The following PCYT1B variants were observed in gnomAD, a reference collection of about 807,000 sequenced individuals.
PCYT1B encodes choline-phosphate cytidylyltransferase B.
A neutral mutation model predicts 26.4 loss-of-function variants in PCYT1B; 10 were observed. The ratio of observed to expected loss-of-function variants is 0.38; its 90% CI spans 0.23 to 0.64. The LOEUF (loss-of-function observed/expected upper bound fraction) is 0.64, where lower values mean the gene tolerates loss of function less well. Ranked by LOEUF, PCYT1B falls within the 30% of genes least tolerant of loss-of-function variation. PCYT1B has a pLI of 0.56. For missense variants in PCYT1B, 161 were observed against 292.7 expected (o/e 0.55, Z 3.28); for synonymous variants, 131 against 108.4 (o/e 1.21, Z -1.29).
intron 5 of PCYT1B, among the ~76,000 whole-genome samples, chrX:24,585,371 G>A (rs764856317): frequency 8.9e-6 from 1 of 112,085 alleles, no homozygotes; most frequent in East Asian, 2.8e-4. Flanking sequence ...GGTTTCCCTT[G>A]CCCTCTAGTA....
At chrX:24,654,299 G>C (rs1426856320) in intron 1 of PCYT1B, among the ~76,000 whole-genome samples, 2 of 102,198 alleles carry the variant, frequency 2.0e-5, no homozygotes, top group African/African-American at 7.1e-5. Context: ...GAGATACGGG[G>C]GGTTTCACCA....
chrX:24,566,499 G>T lies in PCYT1B; in HGVS notation c.898-3994C>A, dbSNP rs184886515. ...ACAGATGGGAGTGATAACCCGAAAT[G>T]CTAACAGAGAGACTGCTCTGGATGA... On this transcript the variant is annotated intron_variant, in intron 7 of 7. Transcript: ENST00000379144. 2.2e-4 allele frequency among the ~76,000 whole-genome samples: 25 copies of T among 111,947 alleles called. No homozygotes were observed. The East Asian group carries it at 5.0e-3, about 22-fold the overall frequency.
chrX:24,636,361 C>A (rs1214595731), intron 1 of PCYT1B, among the ~76,000 whole-genome samples: 1 of 112,173 alleles, frequency 8.9e-6, no homozygotes, highest in African/African-American at 3.2e-5. Flanking sequence ...GCCTCTAATC[C>A]CAGCACTTTG....
At chrX:24,595,295 G>A (rs1480997544) in intron 3 of PCYT1B, among the ~76,000 whole-genome samples, 1 of 109,128 alleles carries the variant, frequency 9.2e-6, no homozygotes, top group Non-Finnish European at 1.9e-5. Context: ...CCAAATTGCA[G>A]GGAAAGGGCC....
At chrX:24,631,948 T>C (rs1173757433) in intron 1 of PCYT1B, among the ~76,000 whole-genome samples, 1 of 108,187 alleles carries the variant, frequency 9.2e-6, no homozygotes, top group Non-Finnish European at 1.9e-5. Flanking sequence ...AAAAAAATTG[T>C]CCCAGTGTTA....
At chrX:24,591,947 C>G (rs1250690393) in intron 3 of PCYT1B, among the ~76,000 whole-genome samples, 1 of 110,713 alleles carries the variant, frequency 9.0e-6, no homozygotes, top group Non-Finnish European at 1.9e-5. Context: ...TTGAAATATA[C>G]AATATTGTTA....
At chrX:24,600,127 G>A (rs747119273) in intron 3 of PCYT1B, among the ~76,000 whole-genome samples, 1 of 110,908 alleles carries the variant, frequency 9.0e-6, no homozygotes, top group South Asian at 3.8e-4. Flanking sequence ...GTCTGGTCTC[G>A]AACTCTTGAC....
intron 1 of PCYT1B, among the ~76,000 whole-genome samples, chrX:24,639,333 G>A: frequency 8.9e-6 from 1 of 112,441 alleles, no homozygotes; most frequent in Non-Finnish European, 1.9e-5. Flanking sequence ...ACTGACACTG[G>A]AACAAGACTA....
At chrX:24,632,827 A>G (rs1020358995) in intron 1 of PCYT1B, among the ~76,000 whole-genome samples, 2 of 111,589 alleles carry the variant, frequency 1.8e-5, no homozygotes, top group Non-Finnish European at 3.8e-5. Context: ...GGGTACAAAC[A>G]TACAGTTAGA....
In PCYT1B at chrX:24,588,896, T is replaced by TTTA. The variant is rs745308157; in HGVS notation, c.486+1124_486+1126dup. ...GTACGGAGTATATCCTCAATAAATG[T>TTTA]TTATTATTATTATTATTATTAATTC... On this transcript the variant is annotated intron_variant, in intron 4 of 7. Transcript: ENST00000379144. Among the ~76,000 whole-genome samples, 46 of 110,764 alleles carry TTTA rather than the reference T, an allele frequency of 4.2e-4. No homozygotes were observed. In the East Asian group the frequency reaches 7.8e-3, roughly 19 times the overall value.
chrX:24,651,828 T>C (rs1284579864), upstream of PCYT1B, among the ~76,000 whole-genome samples: 1 of 109,889 alleles, frequency 9.1e-6, no homozygotes, highest in East Asian at 2.9e-4. Context: ...ATTAGTCTTA[T>C]AATTAGAAAA....
At chrX:24,672,572 T>C in exon 1 of PCYT1B, 1 of 1,200,911 alleles carries the variant, frequency 8.3e-7, no homozygotes, top group African/African-American at 1.7e-5. Flanking sequence ...CACATTACCT[T>C]GCGCCACAAT....
Position 24,597,366 on chromosome X carries a change from G to A in PCYT1B, c.335-7192C>T, listed in dbSNP as rs756791556. ...TCCCGAACTCCTCACCTCATGATCCGCCCACTCGGCCTCCCAAAGTGCTGG... is the reference window on the plus strand; with the variant it reads ...TCCCGAACTCCTCACCTCATGATCCACCCACTCGGCCTCCCAAAGTGCTGG... On this transcript the variant is annotated intron_variant, in intron 3 of 7. Transcript: ENST00000379144. Among the ~76,000 whole-genome samples, 535 of 111,052 alleles carry A rather than the reference G, an allele frequency of 4.8e-3. 1 individual carries two copies. Among genetic ancestry groups the A allele is most frequent in the Middle Eastern group, 0.019 (4 of 216 alleles).
chrX:24,649,966 G>A (rs954171179), upstream of PCYT1B: 3 of 111,977 alleles, frequency 2.7e-5, no homozygotes, highest in Admixed American at 9.6e-5. Flanking sequence ...CCTAGTCCTG[G>A]CTTCTTCCTG....
At chrX:24,657,607 A>G (rs1223272135) in intron 1 of PCYT1B, among the ~76,000 whole-genome samples, 1 of 112,309 alleles carries the variant, frequency 8.9e-6, no homozygotes, top group East Asian at 2.8e-4. Flanking sequence ...GAGCAAATGT[A>G]GCAAAGGTGG....
Position 24,588,416 on chromosome X carries a change from T to C in PCYT1B, c.487-1097A>G, listed in dbSNP as rs563482082. On this transcript the variant is annotated intron_variant, in intron 4 of 7. Transcript: ENST00000379144. ...TCATGCCTGCTCATCTTTATTCCTGTTTCCTGCAACATCAAGCAAACACTC... is the reference window on the plus strand; with the variant it reads ...TCATGCCTGCTCATCTTTATTCCTGCTTCCTGCAACATCAAGCAAACACTC... Among the ~76,000 whole-genome samples the C allele has an allele frequency of 8.5e-4, 95 of 111,848 alleles. 1 individual carries two copies. The South Asian group carries it at 0.035, about 41-fold the overall frequency.
chrX:24,630,335 A>G (rs1245841737), intron 1 of PCYT1B, among the ~76,000 whole-genome samples: 10 of 111,785 alleles, frequency 8.9e-5, no homozygotes, highest in Middle Eastern at 9.3e-3. Context: ...TCGCTCTGTC[A>G]CCCAGGCTGG....
At chrX:24,576,724 A>T (rs1174148442) in intron 6 of PCYT1B, among the ~76,000 whole-genome samples, 1 of 111,078 alleles carries the variant, frequency 9.0e-6, no homozygotes, top group East Asian at 2.8e-4. Context: ...GTGTGTTGCT[A>T]CTGAGAGCTA....
chrX:24,629,559 C>CAAAAAAA (rs1165553186), intron 1 of PCYT1B, among the ~76,000 whole-genome samples: 996 of 16,101 alleles, frequency 0.062, 296 homozygotes, highest in Middle Eastern at 0.25. Context: ...GACCCTGTCT[C>CAAAAAAA]AAAAAAAAAA....
Sources: gnomAD v4.1 joint callset for allele counts (sites outside exome capture counted in the v4.1 genomes callset) on GRCh38, gnomAD v4.1.1 for gene constraint, MANE v1.5 for transcripts, NCBI Gene and HGNC (gene_info 2026-07-23, HGNC 2026-07-21) for gene names.